The following SLIT2 variants were observed in gnomAD, a reference collection of about 807,000 sequenced individuals.
SLIT2 encodes the protein slit guidance ligand 2, also known as slit homolog 2 protein.
A neutral mutation model predicts 185.7 loss-of-function variants in SLIT2; 41 were observed. That is an observed-to-expected ratio of 0.22 (90% CI 0.17 to 0.29). SLIT2 has a LOEUF of 0.29. Among genes scored for constraint, SLIT2 ranks in the 10% least tolerant of loss-of-function variants. The probability of loss-of-function intolerance (pLI) is 1.00; values close to 1 mark genes in which losing one functional copy is unlikely to be tolerated. For missense variants in SLIT2, 1,571 were observed against 1,909.0 expected (o/e 0.82, Z 3.30); for synonymous variants, 693 against 680.2 (o/e 1.02, Z -0.29).
chr4:20,256,549 A>G (rs1209039659), intron 1 of SLIT2, 123 bp from the exon 2 acceptor site: 4 of 552,748 alleles, frequency 7.2e-6, no homozygotes, highest in Admixed American at 3.6e-5. Flanking sequence ...TCTCCTTCCT[A>G]CATACTTTGT....
At chr4:20,350,811 T>G (rs1450447080) in intron 4 of SLIT2, among the ~76,000 whole-genome samples, 1 of 152,040 alleles carries the variant, frequency 6.6e-6, no homozygotes, top group South Asian at 2.1e-4. Flanking sequence ...GGGCAAGAAG[T>G]AAGACCCCAT....
intron 9 of SLIT2, among the ~76,000 whole-genome samples, chr4:20,505,516 G>T (rs1262438560): frequency 6.6e-6 from 1 of 152,038 alleles, no homozygotes; most frequent in Non-Finnish European, 1.5e-5. Context: ...AGCTGAAAAT[G>T]TCATTTAAAG....
chr4:20,494,483 G>A (rs1349795695), intron 9 of SLIT2, among the ~76,000 whole-genome samples: 1 of 152,066 alleles, frequency 6.6e-6, no homozygotes, highest in African/African-American at 2.4e-5. Flanking sequence ...ACATTTATAA[G>A]TACAAAAATT....
intron 3 of SLIT2, among the ~76,000 whole-genome samples, chr4:20,258,604 G>GT (rs1474022938): frequency 2.0e-5 from 3 of 151,722 alleles, no homozygotes; most frequent in East Asian, 3.9e-4. Flanking sequence ...TTTAAGATAC[G>GT]TTTTTTACAT....
chr4:20,443,017 C>T (rs1178568873), intron 4 of SLIT2, among the ~76,000 whole-genome samples: 1 of 152,054 alleles, frequency 6.6e-6, no homozygotes, highest in Non-Finnish European at 1.5e-5. Context: ...CACATGAATA[C>T]AAATCTTAAA....
intron 4 of SLIT2, among the ~76,000 whole-genome samples, chr4:20,404,165 C>T (rs1394610187): frequency 6.6e-6 from 1 of 151,900 alleles, no homozygotes; most frequent in Non-Finnish European, 1.5e-5. Flanking sequence ...AGAATGAAGT[C>T]TGATGATACA....
At chr4:20,309,572 A>C (rs892216963) in intron 4 of SLIT2, among the ~76,000 whole-genome samples, 3 of 151,962 alleles carry the variant, frequency 2.0e-5, no homozygotes, top group African/African-American at 7.2e-5. Context: ...AATCCTCTTT[A>C]CTTGTGTAAG....
At chr4:20,384,931 A>T (rs905144967) in intron 4 of SLIT2, among the ~76,000 whole-genome samples, 1 of 152,342 alleles carries the variant, frequency 6.6e-6, no homozygotes, top group South Asian at 2.1e-4. Context: ...TGGGTGCAAG[A>T]TAGATGGCAT....
intron 12 of SLIT2, among the ~76,000 whole-genome samples, chr4:20,521,173 G>A (rs1230875184): frequency 6.6e-6 from 1 of 152,106 alleles, no homozygotes; most frequent in Non-Finnish European, 1.5e-5. Flanking sequence ...ACACTTATTG[G>A]TAGTTGATGT....
At chr4:20,498,124 G>A (rs1718401372) in intron 9 of SLIT2, among the ~76,000 whole-genome samples, 7 of 152,186 alleles carry the variant, frequency 4.6e-5, no homozygotes, top group Admixed American at 4.6e-4. Flanking sequence ...AGTCAGCCGA[G>A]ATGGCGCCAC....
intron 26 of SLIT2, among the ~76,000 whole-genome samples, chr4:20,562,149 T>A (rs1017603930): frequency 6.6e-6 from 1 of 151,820 alleles, no homozygotes; most frequent in Non-Finnish European, 1.5e-5. Flanking sequence ...GGAGATCATC[T>A]CCACCCCTCC....
chr4:20,442,061 G>T (rs569224262), intron 4 of SLIT2, among the ~76,000 whole-genome samples: 123 of 152,216 alleles, frequency 8.1e-4, no homozygotes, highest in African/African-American at 2.9e-3. Flanking sequence ...ATAGTTGGGG[G>T]TAGGAGAGGA....
chr4:20,617,229 A>C (rs528194669), intron 35 of SLIT2, 31 bp downstream of exon 35: 31 of 1,473,172 alleles, frequency 2.1e-5, no homozygotes, highest in Non-Finnish European at 2.7e-5. Flanking sequence ...AGTTGAGCAC[A>C]CACCTGAAAG....
chr4:20,313,926 G>A (rs1166709239), intron 4 of SLIT2, among the ~76,000 whole-genome samples: 3 of 152,072 alleles, frequency 2.0e-5, no homozygotes, highest in African/African-American at 7.2e-5. Flanking sequence ...CAGGGGTTGG[G>A]GACCCCTGTG....
intron 4 of SLIT2, among the ~76,000 whole-genome samples, chr4:20,283,029 A>G (rs148705916): frequency 1.3e-5 from 2 of 152,110 alleles, no homozygotes; most frequent in East Asian, 1.9e-4. Context: ...AACTTAGAAT[A>G]TTTTCTAACA....
chr4:20,463,689 A>G (rs1714032338), intron 4 of SLIT2, among the ~76,000 whole-genome samples: 1 of 150,444 alleles, frequency 6.6e-6, no homozygotes, highest in Non-Finnish European at 1.5e-5. Flanking sequence ...CCTGGCTAAC[A>G]AGGCAAAACC....
rs749414835 is a variant in SLIT2, at chr4:20,546,037, G to T, written c.2283G>T (p.Leu761=). 2 of 1,559,644 alleles carry T rather than the reference G, an allele frequency of 1.3e-6. No individual in the cohort carries two copies. The highest frequency in any genetic ancestry group is 1.7e-5 in the Admixed American group (1 of 57,394). Reference sequence around the variant, plus strand: ...ATTGTTCCATTGTTTTTAGGTATCTGGATGGAAACCAATTTACACTGGTTC... The same window carrying T: ...ATTGTTCCATTGTTTTTAGGTATCTTGATGGAAACCAATTTACACTGGTTC... ...GIPRDVTELY[L]DGNQFTLVPK... The change falls in exon 22 of 37, where the codon CTG becomes CTT. Residue 761 remains leucine, a synonymous_variant. Coordinates refer to ENST00000504154, the MANE Select transcript of SLIT2 (RefSeq NM_004787.4).
chr4:20,566,414 A>C (rs1391392883), intron 26 of SLIT2, among the ~76,000 whole-genome samples: 1 of 152,082 alleles, frequency 6.6e-6, no homozygotes, highest in Non-Finnish European at 1.5e-5. Context: ...GGTGGAACAT[A>C]CTTTTATTGA....
chr4:20,453,479 T>A (rs1423991069), intron 4 of SLIT2, among the ~76,000 whole-genome samples: 3 of 152,294 alleles, frequency 2.0e-5, no homozygotes, highest in Admixed American at 6.5e-5. Flanking sequence ...ATTTATTGAA[T>A]GTTATTAATA....
Sources: allele counts gnomAD v4.1 joint callset (sites outside exome capture counted in the v4.1 genomes callset), GRCh38; gene constraint gnomAD v4.1.1; transcripts MANE v1.5; gene names NCBI Gene and HGNC (gene_info 2026-07-23, HGNC 2026-07-21).